Variants in EPB41L5 observed in about 807,000 individuals in gnomAD.
The protein encoded by EPB41L5 is erythrocyte membrane protein band 4.1 like 5.
A neutral mutation model predicts 106.6 loss-of-function variants in EPB41L5; 55 were observed. The observed-to-expected ratio is 0.52, with a 90% CI of 0.42 to 0.65. The LOEUF (loss-of-function observed/expected upper bound fraction) is 0.65, where lower values mean the gene tolerates loss of function less well. Ranked by LOEUF, EPB41L5 falls within the 30% of genes least tolerant of loss-of-function variation. The probability of loss-of-function intolerance (pLI) is 0.00; values close to 1 mark genes in which losing one functional copy is unlikely to be tolerated. For missense variants in EPB41L5, 871 were observed against 882.1 expected (o/e 0.99, Z 0.16); for synonymous variants, 297 against 306.7 (o/e 0.97, Z 0.33).
intron 1 of EPB41L5, 102 bp downstream of exon 1, chr2:120,013,312 G>A (rs1403012648): frequency 6.6e-6 from 1 of 152,244 alleles, no homozygotes; most frequent in Admixed American, 6.5e-5. Flanking sequence ...CTTGTCCCCG[G>A]GGAGGCGGGC....
chr2:120,041,092 G>A (rs1204985753), intron 2 of EPB41L5, among the ~76,000 whole-genome samples: 2 of 152,070 alleles, frequency 1.3e-5, no homozygotes, highest in Admixed American at 6.6e-5. Context: ...ATCAATAATT[G>A]TCTATTAATA....
At chr2:120,069,986 A>G (rs1050417349) in intron 3 of EPB41L5, among the ~76,000 whole-genome samples, 91 of 152,302 alleles carry the variant, frequency 6.0e-4, no homozygotes, top group Non-Finnish European at 4.4e-5. Flanking sequence ...GGAGATAGAA[A>G]CATGAAAAAC....
At chr2:120,086,872 G>T (rs1025441872) in intron 10 of EPB41L5, among the ~76,000 whole-genome samples, 2 of 151,916 alleles carry the variant, frequency 1.3e-5, no homozygotes, top group Non-Finnish European at 2.9e-5. Flanking sequence ...ATTTTCCCTA[G>T]ACCTAAAGAA....
chr2:120,060,363 A>G (rs1680949663), intron 3 of EPB41L5, among the ~76,000 whole-genome samples: 1 of 152,348 alleles, frequency 6.6e-6, no homozygotes, highest in Non-Finnish European at 1.5e-5. Context: ...TGAAACAACC[A>G]CAGTGTCCTA....
chr2:120,087,196 A>C lies in EPB41L5; in HGVS notation c.829A>C (p.Lys277Gln). Residue 277 changes from lysine (K) to glutamine (Q), a missense_variant, in exon 11 of 25, where the codon AAG (lysine) becomes CAG (glutamine). By Grantham distance (53) the Lys-to-Gln change is moderately conservative. Transcript: ENST00000263713. Reference protein sequence around the residue: ...FWPKITRLDFKKNKLTLVVVE... With the variant: ...FWPKITRLDFQKNKLTLVVVE... ...GCCGAAGATAACCAGATTGGATTTTAAGAAGAATAAATTAACCTTGGTGGT... is the reference window on the plus strand; with the variant it reads ...GCCGAAGATAACCAGATTGGATTTTCAGAAGAATAAATTAACCTTGGTGGT... 6.3e-7 allele frequency: 1 copy of C among 1,588,720 alleles called. No individual in the cohort carries two copies. Among genetic ancestry groups the C allele is most frequent in the Non-Finnish European group, 8.6e-7 (1 of 1,158,462 alleles).
chr2:120,090,382 G>T lies in EPB41L5; in HGVS notation c.909G>T (p.Leu303=). 1 of 1,611,982 alleles carries T rather than the reference G, an allele frequency of 6.2e-7. No individual in the cohort carries two copies. The highest frequency in any genetic ancestry group is 8.5e-7 in the Non-Finnish European group (1 of 1,179,392). The change falls in exon 12 of 25, where the codon CTG becomes CTT. Residue 303 remains leucine (L), a synonymous_variant. Coordinates refer to ENST00000263713, the MANE Select transcript of EPB41L5 (RefSeq NM_020909.4). Reference sequence around the variant, plus strand: ...AGGAACATACATTTGTCTTTAGACTGGATCATCCAAAAGCATGCAAACATT... The same window carrying T: ...AGGAACATACATTTGTCTTTAGACTTGATCATCCAAAAGCATGCAAACATT... ...KEQEHTFVFR[L]DHPKACKHLW... is the part of the protein sequence containing the mutation.
chr2:120,035,154 C>A (rs550065863), intron 2 of EPB41L5, among the ~76,000 whole-genome samples: 2 of 152,092 alleles, frequency 1.3e-5, no homozygotes, highest in Admixed American at 1.3e-4. Context: ...TAAATGGGCC[C>A]CATGTAAACA....
intron 11 of EPB41L5, 82 bp downstream of exon 11, chr2:120,087,322 A>ACCT (rs1683125723): frequency 2.4e-6 from 2 of 822,030 alleles, no homozygotes; most frequent in East Asian, 5.1e-5. Context: ...GAGGGAATGT[A>ACCT]CCTCATTGTT....
In EPB41L5 at chr2:120,078,517, T is replaced by A; in HGVS notation, c.739T>A (p.Leu247Met). 1 of 1,609,430 alleles carries A rather than the reference T, an allele frequency of 6.2e-7. No homozygotes were observed. Among genetic ancestry groups the A allele is most frequent in the Non-Finnish European group, 8.5e-7 (1 of 1,177,866 alleles). ...VKARDGNDYS[L>M]GLTPTGVLVF... is the part of the protein sequence containing the mutation. Reference sequence around the variant, plus strand: ...GGCTAGAGATGGGAATGACTATAGTTTGGGACTAACACCAACAGGAGTCCT... The same window carrying A: ...GGCTAGAGATGGGAATGACTATAGTATGGGACTAACACCAACAGGAGTCCT... The change falls in exon 10 of 25, where the codon TTG becomes ATG. Residue 247 changes from leucine (L) to methionine (M), a missense_variant. Transcript: ENST00000263713.
intron 1 of EPB41L5, among the ~76,000 whole-genome samples, chr2:120,018,476 C>T (rs1294969988): frequency 6.6e-6 from 1 of 152,030 alleles, no homozygotes; most frequent in East Asian, 1.9e-4. Flanking sequence ...ACATACAAGT[C>T]TTTTAAAACT....
At chr2:120,051,293 T>C (rs1574537047) in intron 3 of EPB41L5, among the ~76,000 whole-genome samples, 1 of 152,220 alleles carries the variant, frequency 6.6e-6, no homozygotes. Flanking sequence ...TGAGCTGCGG[T>C]GGGCTCCACC....
At chr2:120,116,831 T>A (rs1558887202) in intron 16 of EPB41L5, among the ~76,000 whole-genome samples, 3 of 152,184 alleles carry the variant, frequency 2.0e-5, no homozygotes. Context: ...TCTACCTAAA[T>A]GTAGTAAGTC....
chr2:120,022,155 G>T (rs1480079190), intron 2 of EPB41L5, among the ~76,000 whole-genome samples: 1 of 152,064 alleles, frequency 6.6e-6, no homozygotes, highest in African/African-American at 2.4e-5. Context: ...GAAATGTTTG[G>T]TCAATTAACC....
intron 19 of EPB41L5, among the ~76,000 whole-genome samples, chr2:120,145,536 C>T (rs975304984): frequency 5.3e-5 from 8 of 152,036 alleles, no homozygotes; most frequent in African/African-American, 1.9e-4. Context: ...TGTGGGAAGC[C>T]TCAAGGGAAT....
intron 16 of EPB41L5, among the ~76,000 whole-genome samples, chr2:120,103,094 T>TC (rs1398094963): frequency 1.3e-5 from 2 of 152,328 alleles, no homozygotes; most frequent in East Asian, 3.9e-4. Context: ...ATTTTCAGTT[T>TC]CCCTAAGGGA....
At chr2:120,124,391 A>G (rs1333450477) in intron 16 of EPB41L5, among the ~76,000 whole-genome samples, 3 of 152,172 alleles carry the variant, frequency 2.0e-5, no homozygotes, top group Non-Finnish European at 4.4e-5. Context: ...AAAACTTCAG[A>G]CCTACAGAAA....
chr2:120,074,326 C>T lies in EPB41L5; in HGVS notation c.407+148C>T, dbSNP rs924433270. The stretch of plus-strand genomic sequence containing the variant: ...CAAATAATAGAATTTTATTCTGGGA[C>T]GTGTTTTTTAAGTGTATGATTCTTT... On this transcript the variant is annotated intron_variant, in intron 5 of 24. Coordinates refer to ENST00000263713, the MANE Select transcript of EPB41L5 (RefSeq NM_020909.4). The T allele has an allele frequency of 1.9e-4, 111 of 592,392 alleles. 1 individual carries two copies. Among genetic ancestry groups the T allele is most frequent in the African/African-American group, 1.3e-3 (67 of 52,048 alleles). 36.7% of individuals were successfully genotyped at this position (592,392 alleles called of 1,614,324 possible).
At position 120,077,490 on chromosome 2, in the gene EPB41L5, A is replaced by T. The variant is rs921293186; in HGVS notation, c.714+174A>T. Among the ~76,000 whole-genome samples the T allele has an allele frequency of 2.7e-4, 41 of 152,230 alleles. 1 individual carries two copies. Among genetic ancestry groups the T allele is most frequent in the African/African-American group, 8.0e-4 (33 of 41,462 alleles). On this transcript the variant is annotated intron_variant, in intron 9 of 24. Transcript: ENST00000263713. ...ATACCAAATGACTAGAATCTCACAG[A>T]AAGGTTCATTATAAGAAAGAAGAGA...
intron 3 of EPB41L5, among the ~76,000 whole-genome samples, chr2:120,061,914 G>C (rs1164989912): frequency 5.3e-5 from 8 of 152,160 alleles, no homozygotes; most frequent in African/African-American, 1.7e-4. Context: ...TGGGTAGACA[G>C]ATGGTCCAAC....
Sources: allele counts gnomAD v4.1 joint callset (sites outside exome capture counted in the v4.1 genomes callset), GRCh38; gene constraint gnomAD v4.1.1; transcripts MANE v1.5; gene names NCBI Gene and HGNC (gene_info 2026-07-23, HGNC 2026-07-21).